Variants in OXGR1 observed in about 807,000 individuals in gnomAD.
OXGR1 encodes the protein 2-oxoglutarate receptor 1.
OXGR1 carries 10 observed loss-of-function variants against 10.0 expected under a neutral mutation model. The observed-to-expected ratio is 1.00, with a 90% CI of 0.62 to 1.70. OXGR1 has a LOEUF of 1.70. Ranked by LOEUF, OXGR1 falls within the 40% of genes most tolerant of loss-of-function variation. OXGR1 has a pLI of 0.00. For missense variants in OXGR1, 398 were observed against 407.6 expected, an observed-to-expected ratio of 0.98 and a Z score of 0.20; for synonymous variants, 191 against 155.9, an observed-to-expected ratio of 1.22 and a Z score of -1.68.
Position 96,987,629 on chromosome 13 carries a change from A to C in OXGR1, c.131T>G (p.Phe44Cys). Reference sequence around the variant, plus strand: ...TGCATTGCCTGGAAATCCCACGAGGAAGATAATGCCATAAATAACAGGGAG... The same window carrying C: ...TGCATTGCCTGGAAATCCCACGAGGCAGATAATGCCATAAATAACAGGGAG... ...HYLPVIYGII[F>C]LVGFPGNAVV... The change falls in exon 4 of 4, where the codon TTC becomes TGC. Residue 44 changes from phenylalanine (F) to cysteine (C), a missense_variant. Phe to Cys is a radical substitution (Grantham distance 205). Coordinates refer to ENST00000541038, the MANE Select transcript of OXGR1 (RefSeq NM_001346194.2). The C allele has an allele frequency of 6.2e-7, 1 of 1,614,188 alleles. No individual in the cohort carries two copies. Among genetic ancestry groups the C allele is most frequent in the Middle Eastern group, 1.6e-4 (1 of 6,062 alleles).
At position 96,987,220 on chromosome 13, in the gene OXGR1, T is replaced by C; in HGVS notation, c.540A>G (p.Arg180=). 1.2e-6 allele frequency: 2 copies of C among 1,614,178 alleles called. No individual in the cohort carries two copies. Among genetic ancestry groups the C allele is most frequent in the Non-Finnish European group, 1.7e-6 (2 of 1,180,034 alleles). The change falls in exon 4 of 4, where the codon AGA becomes AGG. Residue 180 remains arginine, a synonymous_variant. Transcript: ENST00000541038. ...FLITSTNRTN[R]SACLDLTSSD... is the part of the protein sequence containing the mutation. Reference sequence around the variant, plus strand: ...AACTGGTGAGGTCGAGACAGGCTGATCTGTTGGTCCTGTTGGTTGATGTGA... The same window carrying C: ...AACTGGTGAGGTCGAGACAGGCTGACCTGTTGGTCCTGTTGGTTGATGTGA...
rs1293076636 is a variant in OXGR1 at position 96,987,588 on chromosome 13, A to G, written c.172T>C (p.Tyr58His). The stretch of plus-strand genomic sequence containing the variant: ...TTCCAAGGTCTCATTTTGAAAATGT[A>G]AGTGGATATCACTACTGCATTGCCT... ...FPGNAVVIST[Y>H]IFKMRPWKSS... Residue 58 changes from tyrosine to histidine, a missense_variant, in exon 4 of 4, where the codon TAC (tyrosine) becomes CAC (histidine). Coordinates refer to ENST00000541038, the MANE Select transcript of OXGR1 (RefSeq NM_001346194.2). 2 of 1,614,170 alleles carry G rather than the reference A, an allele frequency of 1.2e-6. No homozygotes were observed. Among genetic ancestry groups the G allele is most frequent in the Admixed American group, 1.7e-5 (1 of 60,030 alleles).
chr13:96,986,628 G>T lies in OXGR1; in HGVS notation c.*118C>A. 9.0e-7 allele frequency: 1 copy of T among 1,107,390 alleles called. No homozygotes were observed. The highest frequency in any genetic ancestry group is 1.3e-6 in the Non-Finnish European group (1 of 783,922). The allele number at this position is 1,107,390 out of a possible 1,614,324, so 68.6% of individuals were successfully genotyped here. A position where few individuals can be genotyped will look rare whatever the true frequency, so the allele number is the denominator to read the frequency against. On this transcript the variant is annotated 3_prime_UTR_variant, in exon 4 of 4. Coordinates refer to ENST00000541038, the MANE Select transcript of OXGR1 (RefSeq NM_001346194.2). The stretch of plus-strand genomic sequence containing the variant: ...AAGCTCTGCCCTGGCTTTGGCACAT[G>T]ATTACTTGAATACACAGTATTTACC...
chr13:96,988,827 C>T (rs1791035051), intron 3 of OXGR1, among the ~76,000 whole-genome samples: 1 of 152,118 alleles, frequency 6.6e-6, no homozygotes, highest in Admixed American at 6.5e-5. Flanking sequence ...AAAAGTACAT[C>T]TAGAAGAAGA....
Position 96,986,651 on chromosome 13 carries a change from A to G in OXGR1, c.*95T>C. The G allele has an allele frequency of 7.6e-7, 1 of 1,309,036 alleles. No individual in the cohort carries two copies. The highest frequency in any genetic ancestry group is 1.0e-6 in the Non-Finnish European group (1 of 956,730). The allele number at this position is 1,309,036 out of a possible 1,614,324, so 81.1% of individuals were successfully genotyped here. On this transcript the variant is annotated 3_prime_UTR_variant, in exon 4 of 4. Coordinates refer to ENST00000541038, the MANE Select transcript of OXGR1 (RefSeq NM_001346194.2). ...ATGATTACTTGAATACACAGTATTT[A>G]CCAGGAGTTCCATTGAGGGAGACAT...
chr13:96,994,141 C>A (rs924479729), intron 1 of OXGR1, among the ~76,000 whole-genome samples, 157 bp downstream of exon 1: 1 of 152,226 alleles, frequency 6.6e-6, no homozygotes, highest in African/African-American at 2.4e-5. Flanking sequence ...AAGAAGGGGG[C>A]GCTGCTCCGT....
chr13:96,991,524 A>T (rs907397450), intron 2 of OXGR1, among the ~76,000 whole-genome samples: 1 of 152,244 alleles, frequency 6.6e-6, no homozygotes, highest in African/African-American at 2.4e-5. Context: ...GCAAGAAATA[A>T]TGATGTATTC....
chr13:96,993,897 A>G (rs7323760), intron 1 of OXGR1, among the ~76,000 whole-genome samples: 17,259 of 152,016 alleles, frequency 0.11, 2,965 homozygotes, highest in African/African-American at 0.37. Context: ...AACATTCAGC[A>G]GGGCGGTGAT....
intron 1 of OXGR1, among the ~76,000 whole-genome samples, chr13:96,993,271 T>C (rs1373701490): frequency 6.6e-6 from 1 of 152,096 alleles, no homozygotes; most frequent in Admixed American, 6.5e-5. Context: ...CAGACTGGAG[T>C]GCAGTGGCCA....
rs1489815135 is a variant in OXGR1 at position 96,987,969 on chromosome 13, A to G, written c.-74-136T>C. The G allele has an allele frequency of 8.2e-5, 40 of 485,736 alleles. No homozygotes were observed. In the East Asian group the frequency reaches 1.5e-3, roughly 18 times the overall value. The allele number at this position is 485,736 out of a possible 1,614,324, so 30.1% of individuals were successfully genotyped here. On this transcript the variant is annotated intron_variant, in intron 3 of 3. Coordinates refer to ENST00000541038, the MANE Select transcript of OXGR1 (RefSeq NM_001346194.2). ...TCAAAAGAGACCCTGTGGAGAAGAA[A>G]TTGAATTTCCAAGAAAATGACTATG...
Position 96,987,594 on chromosome 13 carries a change from A to G in OXGR1, c.166T>C (p.Ser56Pro). The change falls in exon 4 of 4, where the codon TCC becomes CCC. Residue 56 changes from serine to proline, a missense_variant. By Grantham distance (74) the Ser-to-Pro change is moderately conservative. Coordinates refer to ENST00000541038, the MANE Select transcript of OXGR1 (RefSeq NM_001346194.2). Reference protein sequence around the residue: ...VGFPGNAVVISTYIFKMRPWK... With the variant: ...VGFPGNAVVIPTYIFKMRPWK... ...GGTCTCATTTTGAAAATGTAAGTGG[A>G]TATCACTACTGCATTGCCTGGAAAT... 6.2e-7 allele frequency: 1 copy of G among 1,614,152 alleles called. No homozygotes were observed.
At position 96,992,432 on chromosome 13, in the gene OXGR1, T is replaced by G. The variant is rs1385156712; in HGVS notation, c.-137A>C. 1.3e-5 allele frequency: 2 copies of G among 152,140 alleles called. No individual in the cohort carries two copies. The highest frequency in any genetic ancestry group is 4.8e-5 in the African/African-American group (2 of 41,434). The allele number at this position is 152,140 out of a possible 1,614,324, so 9.4% of individuals were successfully genotyped here. On this transcript the variant is annotated 5_prime_UTR_variant, in exon 2 of 4. Coordinates refer to ENST00000541038, the MANE Select transcript of OXGR1 (RefSeq NM_001346194.2). ...TAAGAAAAAGCTTACAATTTTAGCC[T>G]TTTTTTCTCTGAAATTGGAAAGTAG...
intron 1 of OXGR1, among the ~76,000 whole-genome samples, chr13:96,992,797 C>T (rs1462192591): frequency 6.6e-6 from 1 of 152,202 alleles, no homozygotes; most frequent in Admixed American, 6.5e-5. Flanking sequence ...TCCTCCCTCT[C>T]CCCCAGACTC....
chr13:96,986,565 C>G lies in OXGR1; in HGVS notation c.*181G>C. 1 of 612,882 alleles carries G rather than the reference C, an allele frequency of 1.6e-6. No homozygotes were observed. The highest frequency in any genetic ancestry group is 2.8e-6 in the Non-Finnish European group (1 of 354,022). The allele number at this position is 612,882 out of a possible 1,614,324, so 38.0% of individuals were successfully genotyped here. On this transcript the variant is annotated 3_prime_UTR_variant, in exon 4 of 4. Transcript: ENST00000541038. Reference sequence around the variant, plus strand: ...CATGCATCCCATTCTTATATCTCCCCAGTGGAGGAGCTCAATAAAGGGATT... The same window carrying G: ...CATGCATCCCATTCTTATATCTCCCGAGTGGAGGAGCTCAATAAAGGGATT...
chr13:96,985,842 T>A lies in OXGR1; in HGVS notation c.*904A>T, dbSNP rs1451345076. On this transcript the variant is annotated 3_prime_UTR_variant, in exon 4 of 4. Transcript: ENST00000541038. The stretch of plus-strand genomic sequence containing the variant: ...AGCACACATACAATTCAAAAATATC[T>A]TTAGCTATCACATAGACATATGTTC... The A allele has an allele frequency of 6.6e-6, 1 of 152,206 alleles. No homozygotes were observed. Among genetic ancestry groups the A allele is most frequent in the Admixed American group, 6.5e-5 (1 of 15,284 alleles). 9.4% of individuals were successfully genotyped at this position (152,206 alleles called of 1,614,324 possible). A position where few individuals can be genotyped will look rare whatever the true frequency, so the allele number is the denominator to read the frequency against.
chr13:96,994,540 C>A (rs1882224911), upstream of OXGR1: 3 of 152,284 alleles, frequency 2.0e-5, no homozygotes. Flanking sequence ...CTCTGGACAT[C>A]CTCCATCCCG....
Position 96,986,799 on chromosome 13 carries a change from C to G in OXGR1, c.961G>C (p.Val321Leu). 1 of 1,613,692 alleles carries G rather than the reference C, an allele frequency of 6.2e-7. No homozygotes were observed. The highest frequency in any genetic ancestry group is 8.5e-7 in the Non-Finnish European group (1 of 1,179,900). ...QAVCSTVRCK[V>L]SGNLEQAKKI... is the part of the protein sequence containing the mutation. Reference sequence around the variant, plus strand: ...TTTGCTTGCTCAAGGTTCCCGCTTACTTTGCATCTCACTGTTGAGCAGACA... The same window carrying G: ...TTTGCTTGCTCAAGGTTCCCGCTTAGTTTGCATCTCACTGTTGAGCAGACA... Residue 321 changes from valine to leucine, a missense_variant, in exon 4 of 4, where the codon GTA (valine) becomes CTA (leucine). Transcript: ENST00000541038.
rs1882222561 is a variant in OXGR1, at chr13:96,994,462, T to G, written c.-442A>C. Reference sequence around the variant, plus strand: ...TCTCGGGTCCTCGCCCCGAGCAGCCTGGCCAGCAGCATCCCGCCTCGCCCA... The same window carrying G: ...TCTCGGGTCCTCGCCCCGAGCAGCCGGGCCAGCAGCATCCCGCCTCGCCCA... On this transcript the variant is annotated 5_prime_UTR_variant, in exon 1 of 4. Coordinates refer to ENST00000541038, the MANE Select transcript of OXGR1 (RefSeq NM_001346194.2). 1 of 126,404 alleles carries G rather than the reference T, an allele frequency of 7.9e-6. No homozygotes were observed. The highest frequency in any genetic ancestry group is 1.0e-4 in the Admixed American group (1 of 9,988). The allele number at this position is 126,404 out of a possible 1,614,324, so 7.8% of individuals were successfully genotyped here.
chr13:96,993,714 G>T (rs9513199), intron 1 of OXGR1, among the ~76,000 whole-genome samples: 61,716 of 151,352 alleles, frequency 0.41, 13,623 homozygotes, highest in Admixed American at 0.56. Flanking sequence ...TAGAGGTTTA[G>T]AGACCATTAC....
Sources: allele counts gnomAD v4.1 joint callset (sites outside exome capture counted in the v4.1 genomes callset), GRCh38; gene constraint gnomAD v4.1.1; transcripts MANE v1.5; gene names NCBI Gene and HGNC (gene_info 2026-07-23, HGNC 2026-07-21).